KCNJ16: variants seen among roughly 807,000 people sequenced by gnomAD.
KCNJ16 encodes potassium inwardly rectifying channel subfamily J member 16, also known as inward rectifier potassium channel 16.
In KCNJ16, 15 loss-of-function variants were observed where a neutral mutation model predicts 18.5. The observed-to-expected ratio is 0.81, with a 90% confidence interval of 0.54 to 1.25. The LOEUF is 1.25. KCNJ16 is among the 50% of genes most tolerant of loss of function. The pLI is 0.00. For synonymous variants in KCNJ16, 174 were observed against 186.5 expected, an observed-to-expected ratio of 0.93 and a Z score of 0.55; for missense variants, 523 against 525.7, an observed-to-expected ratio of 0.99 and a Z score of 0.05.
At chr17:70,095,478 C>T (rs1030393613) in intron 1 of KCNJ16, among the ~76,000 whole-genome samples, 3 of 152,198 alleles carry the variant, frequency 2.0e-5, no homozygotes, top group Admixed American at 2.0e-4. Flanking sequence ...ACATAGCCTA[C>T]CTCCAGCTTC....
rs2074140479 is a variant in KCNJ16 at position 70,133,533 on chromosome 17, T to C, written c.*189T>C. ...AGTTCTCAGTTATTAAAATTTTTCT[T>C]GTTCGCCAATTTTGTATTAAGAATG... On this transcript the variant is annotated 3_prime_UTR_variant, in exon 4 of 4. Transcript: ENST00000392671. 1.9e-6 allele frequency: 1 copy of C among 537,948 alleles called. No individual in the cohort carries two copies. The highest frequency in any genetic ancestry group is 3.5e-5 in the Admixed American group (1 of 28,422). 33.3% of individuals were successfully genotyped at this position (537,948 alleles called of 1,614,324 possible). A position where few individuals can be genotyped will look rare whatever the true frequency, so the allele number is the denominator to read the frequency against.
intron 2 of KCNJ16, among the ~76,000 whole-genome samples, chr17:70,114,389 TG>T (rs776902971): frequency 6.6e-6 from 1 of 152,152 alleles, no homozygotes; most frequent in Non-Finnish European, 1.5e-5. Flanking sequence ...AGACAGGAGT[TG>T]GATTTCTGTT....
chr17:70,082,135 C>A (rs1294032632), intron 1 of KCNJ16, among the ~76,000 whole-genome samples: 1 of 152,136 alleles, frequency 6.6e-6, no homozygotes, highest in Non-Finnish European at 1.5e-5. Context: ...AAGGAGGACA[C>A]TGACAGAAAA....
Position 70,135,137 on chromosome 17 carries a change from T to TA in KCNJ16, c.*1795dup, listed in dbSNP as rs1410141026. 6.0e-6 allele frequency: 1 copy of TA among 166,664 alleles called. No homozygotes were observed. Among genetic ancestry groups the TA allele is most frequent in the Non-Finnish European group, 1.5e-5 (1 of 68,072 alleles). The allele number at this position is 166,664 out of a possible 1,614,324, so 10.3% of individuals were successfully genotyped here. A position where few individuals can be genotyped will look rare whatever the true frequency, so the allele number is the denominator to read the frequency against. On this transcript the variant is annotated 3_prime_UTR_variant, in exon 4 of 4. Transcript: ENST00000392671. ...AAAGTTGCAAAACTGTTCTGAAGCT[T>TA]AATATTAGAGACCCAAGTAAGATTG...
chr17:70,131,555 C>A, intron 3 of KCNJ16: 2 of 803,992 alleles, frequency 2.5e-6, no homozygotes, highest in Non-Finnish European at 3.0e-6. Flanking sequence ...TTTATTGCAT[C>A]CTTCTTTTAA....
intron 2 of KCNJ16, among the ~76,000 whole-genome samples, chr17:70,124,883 T>G (rs2073795043): frequency 6.6e-6 from 1 of 151,778 alleles, no homozygotes; most frequent in Admixed American, 6.6e-5. Context: ...CTGAGTTGAA[T>G]AGATGGGTGT....
At chr17:70,106,475 T>G (rs874690) in intron 2 of KCNJ16, among the ~76,000 whole-genome samples, 103,862 of 152,024 alleles carry the variant, frequency 0.68, 37,687 homozygotes, top group East Asian at 0.88. Flanking sequence ...GAGAAACTGA[T>G]AGAGAGAGTG....
rs189237891 is a variant in KCNJ16, at chr17:70,132,613, C to T, written c.526C>T (p.Arg176Ter). 2.0e-4 allele frequency: 315 copies of T among 1,614,142 alleles called. 2 individuals are homozygous for T. In the Admixed American group the frequency reaches 2.3e-3, roughly 12 times the overall value. ...GAALAKMATA[R>*]KRAQTIRFSY... ...TGCCTTGGCCAAAATGGCAACTGCT[C>T]GAAAGAGAGCCCAAACCATTCGTTT... The change falls in exon 4 of 4, where the codon CGA (arginine) becomes TGA (stop). Residue 176 changes from arginine (R) to a stop codon, truncating the protein, a stop_gained. Coordinates refer to ENST00000392671, the MANE Select transcript of KCNJ16 (RefSeq NM_170741.4). LOFTEE classifies it high-confidence loss of function.
intron 2 of KCNJ16, among the ~76,000 whole-genome samples, chr17:70,124,362 G>A (rs986840396): frequency 3.3e-5 from 5 of 152,156 alleles, no homozygotes; most frequent in African/African-American, 1.2e-4. Flanking sequence ...AATGTAAACT[G>A]CAATTCTGTT....
At chr17:70,096,943 A>G (rs1159381759) in intron 1 of KCNJ16, 1 of 398,246 alleles carries the variant, frequency 2.5e-6, no homozygotes, top group Non-Finnish European at 4.4e-6. Context: ...GACACAGCCA[A>G]CTGAAGAGGT....
intron 1 of KCNJ16, among the ~76,000 whole-genome samples, chr17:70,089,726 T>G (rs2071999298): frequency 6.6e-6 from 1 of 152,220 alleles, no homozygotes; most frequent in South Asian, 2.1e-4. Flanking sequence ...TTCAAAAGGT[T>G]ACCACATCTC....
intron 1 of KCNJ16, among the ~76,000 whole-genome samples, chr17:70,093,863 A>G (rs1435311692): frequency 3.3e-5 from 5 of 152,160 alleles, no homozygotes; most frequent in Non-Finnish European, 5.9e-5. Context: ...GTAATTTGCC[A>G]TAACTATTGG....
intron 2 of KCNJ16, among the ~76,000 whole-genome samples, chr17:70,111,617 T>C (rs950173996): frequency 3.3e-5 from 5 of 152,098 alleles, no homozygotes; most frequent in South Asian, 4.1e-4. Context: ...GTCACTGATA[T>C]GGTTTGGCTG....
intron 2 of KCNJ16, among the ~76,000 whole-genome samples, chr17:70,111,593 C>T (rs1451270937): frequency 1.3e-5 from 2 of 151,962 alleles, no homozygotes; most frequent in Non-Finnish European, 2.9e-5. Context: ...TACATATGCT[C>T]GCAGACAGGC....
At chr17:70,114,032 G>T (rs1207011429) in intron 2 of KCNJ16, among the ~76,000 whole-genome samples, 1 of 152,004 alleles carries the variant, frequency 6.6e-6, no homozygotes, top group East Asian at 1.9e-4. Flanking sequence ...TATCTATCTG[G>T]ATCTTCCTAG....
Position 70,092,287 on chromosome 17 carries a change from A to C in KCNJ16, c.-299-8371A>C, listed in dbSNP as rs77485509. Reference sequence around the variant, plus strand: ...CCTCCAAGAAAATATGGATCTGTAGATACCATGTGAAGTCAAAGAACAACA... The same window carrying C: ...CCTCCAAGAAAATATGGATCTGTAGCTACCATGTGAAGTCAAAGAACAACA... On this transcript the variant is annotated intron_variant, in intron 1 of 3. Coordinates refer to ENST00000392671, the MANE Select transcript of KCNJ16 (RefSeq NM_170741.4). 5.8e-3 allele frequency among the ~76,000 whole-genome samples: 880 copies of C among 152,284 alleles called. 7 individuals carry two copies. Among genetic ancestry groups the C allele is most frequent in the African/African-American group, 0.02 (826 of 41,550 alleles).
chr17:70,080,257 G>C (rs1212706825), intron 1 of KCNJ16, among the ~76,000 whole-genome samples: 1 of 152,076 alleles, frequency 6.6e-6, no homozygotes, highest in Non-Finnish European at 1.5e-5. Context: ...GTTTACAGTA[G>C]TAGCAACATA....
intron 1 of KCNJ16, among the ~76,000 whole-genome samples, chr17:70,084,065 A>G (rs987025411): frequency 6.6e-6 from 1 of 152,190 alleles, no homozygotes. Flanking sequence ...CAGTGGGCTC[A>G]CCTGCCAATC....
chr17:70,103,636 A>C (rs1405745376), intron 2 of KCNJ16, among the ~76,000 whole-genome samples: 1 of 151,908 alleles, frequency 6.6e-6, no homozygotes, highest in Non-Finnish European at 1.5e-5. Flanking sequence ...TCTCCTTTCT[A>C]ACTACTCTGA....
Sources: allele counts gnomAD v4.1 joint callset (sites outside exome capture counted in the v4.1 genomes callset), GRCh38; gene constraint gnomAD v4.1.1; transcripts MANE v1.5; gene names NCBI Gene and HGNC (gene_info 2026-07-23, HGNC 2026-07-21).